The following HUNK variants were observed in gnomAD, a reference collection of about 807,000 sequenced individuals.
HUNK encodes hormonally up-regulated Neu-associated kinase, also known as hormonally up-regulated neu tumor-associated kinase.
Under a neutral mutation model 61.0 loss-of-function variants are expected in HUNK, and 21 were observed. That is an observed-to-expected ratio of 0.34 (90% CI 0.24 to 0.50). The LOEUF is 0.50. Among genes scored for constraint, HUNK ranks in the 20% least tolerant of loss-of-function variants. HUNK has a pLI of 0.98. For missense variants in HUNK, 772 were observed against 945.7 expected (o/e 0.82, Z 2.41); for synonymous variants, 371 against 386.1 (o/e 0.96, Z 0.46).
intron 5 of HUNK, among the ~76,000 whole-genome samples, chr21:31,960,334 C>G (rs1389026515): frequency 1.3e-5 from 2 of 149,082 alleles, no homozygotes; most frequent in Non-Finnish European, 3.0e-5. Flanking sequence ...GTTAAGTGCT[C>G]TAAAGAAAGT....
intron 1 of HUNK, among the ~76,000 whole-genome samples, chr21:31,916,338 T>C (rs2052583041): frequency 6.6e-6 from 1 of 151,622 alleles, no homozygotes; most frequent in African/African-American, 2.4e-5. Flanking sequence ...GTGTGAGCCA[T>C]TGCGCCCGGC....
intron 1 of HUNK, among the ~76,000 whole-genome samples, chr21:31,914,097 TGGAAGAGGAA>T (rs1347043627): frequency 3.3e-5 from 5 of 151,068 alleles, no homozygotes; most frequent in African/African-American, 1.2e-4. Context: ...AGGAGGAGAG[TGGAAGAGGAA>T]CTGTAAGACC....
chr21:31,875,755 C>T (rs1198498905), intron 1 of HUNK, among the ~76,000 whole-genome samples: 1 of 152,226 alleles, frequency 6.6e-6, no homozygotes, highest in Non-Finnish European at 1.5e-5. Context: ...TATTTCCTCT[C>T]TAAACATAAC....
rs1285419249 is a variant in HUNK, at chr21:31,999,954, C to T, written c.*770C>T. ...TGGATGGAGAGATGAGAAGCAATTC[C>T]ACCAAACTCATGTTTTCACAGGAGG... On this transcript the variant is annotated 3_prime_UTR_variant, in exon 11 of 11. Transcript: ENST00000270112. 1 of 393,740 alleles carries T rather than the reference C, an allele frequency of 2.5e-6. No homozygotes were observed. Among genetic ancestry groups the T allele is most frequent in the Non-Finnish European group, 4.5e-6 (1 of 223,654 alleles). The allele number at this position is 393,740 out of a possible 1,614,324, so 24.4% of individuals were successfully genotyped here. A position where few individuals can be genotyped will look rare whatever the true frequency, so the allele number is the denominator to read the frequency against.
At chr21:31,929,681 G>A (rs1259131629) in intron 2 of HUNK, among the ~76,000 whole-genome samples, 1 of 152,208 alleles carries the variant, frequency 6.6e-6, no homozygotes, top group South Asian at 2.1e-4. Context: ...GAAAAGCCAC[G>A]GGGCTGCAGG....
intron 2 of HUNK, among the ~76,000 whole-genome samples, chr21:31,939,009 G>C (rs1270967211): frequency 6.6e-6 from 1 of 152,110 alleles, no homozygotes; most frequent in Non-Finnish European, 1.5e-5. Flanking sequence ...GGGTGCAATG[G>C]GAAGCAGGGT....
At chr21:31,905,075 CT>C (rs1224436138) in intron 1 of HUNK, among the ~76,000 whole-genome samples, 1 of 24,588 alleles carries the variant, frequency 4.1e-5, no homozygotes, top group Non-Finnish European at 6.7e-5. Context: ...GAGACTGTGT[CT>C]AAAAAAAAAA....
chr21:31,895,646 C>T (rs1481543733), intron 1 of HUNK, among the ~76,000 whole-genome samples: 1 of 152,168 alleles, frequency 6.6e-6, no homozygotes. Context: ...GCTGGGTGGG[C>T]CATGCCTCAC....
chr21:31,914,408 C>CAAAAAAAA (rs35023797), intron 1 of HUNK, among the ~76,000 whole-genome samples: 23 of 39,842 alleles, frequency 5.8e-4, no homozygotes, highest in African/African-American at 2.0e-3. Flanking sequence ...AACTCTGTCT[C>CAAAAAAAA]AAAAAAAAAA....
chr21:31,975,402 G>C (rs940884840), intron 7 of HUNK, among the ~76,000 whole-genome samples: 1 of 152,170 alleles, frequency 6.6e-6, no homozygotes, highest in Non-Finnish European at 1.5e-5. Context: ...ATGGACAATG[G>C]CTTAAAAAGA....
intron 2 of HUNK, among the ~76,000 whole-genome samples, chr21:31,925,171 T>C (rs1362263912): frequency 6.6e-6 from 1 of 152,156 alleles, no homozygotes; most frequent in Non-Finnish European, 1.5e-5. Flanking sequence ...TTAATGCCAG[T>C]GTGAGGGTTA....
chr21:31,899,989 G>T (rs560439092), intron 1 of HUNK, among the ~76,000 whole-genome samples: 1 of 152,170 alleles, frequency 6.6e-6, no homozygotes, highest in South Asian at 2.1e-4. Flanking sequence ...TGGCCAGGTT[G>T]GTCTTGAACT....
At chr21:31,945,977 C>T in intron 3 of HUNK, 59 bp from the exon 4 acceptor site, 1 of 1,527,380 alleles carries the variant, frequency 6.5e-7, no homozygotes, top group Non-Finnish European at 8.9e-7. Flanking sequence ...TTTTGTTCCT[C>T]CCTCTTCATT....
intron 1 of HUNK, among the ~76,000 whole-genome samples, chr21:31,923,681 G>A (rs993070632): frequency 7.9e-5 from 12 of 152,044 alleles, no homozygotes; most frequent in African/African-American, 2.9e-4. Context: ...GGATTTGGGT[G>A]GAATAGACAA....
At chr21:31,965,272 G>T (rs527386539) in intron 5 of HUNK, among the ~76,000 whole-genome samples, 1 of 150,728 alleles carries the variant, frequency 6.6e-6, no homozygotes, top group Non-Finnish European at 1.5e-5. Flanking sequence ...ACAAAGAGGG[G>T]AACAATAGAC....
intron 1 of HUNK, among the ~76,000 whole-genome samples, chr21:31,892,732 C>T (rs960875300): frequency 2.0e-5 from 3 of 152,042 alleles, no homozygotes; most frequent in Non-Finnish European, 2.9e-5. Context: ...TCATAGATAA[C>T]GGCATTTTAT....
intron 9 of HUNK, among the ~76,000 whole-genome samples, chr21:31,993,366 G>A (rs562642771): frequency 3.9e-4 from 60 of 152,294 alleles, no homozygotes; most frequent in Non-Finnish European, 7.1e-4. Flanking sequence ...GACAGCCACC[G>A]GCAGCTCTCA....
At chr21:31,979,780 G>C (rs34836274) in intron 7 of HUNK, among the ~76,000 whole-genome samples, 1 of 151,826 alleles carries the variant, frequency 6.6e-6, no homozygotes, top group East Asian at 1.9e-4. Context: ...CTCCCAAAGT[G>C]CTGGGATTAC....
chr21:31,892,813 G>A (rs764043463), intron 1 of HUNK, among the ~76,000 whole-genome samples: 52 of 152,072 alleles, frequency 3.4e-4, no homozygotes, highest in Non-Finnish European at 6.3e-4. Flanking sequence ...CCTGAGGACC[G>A]CGATGCCTCT....
Sources: gnomAD v4.1 joint callset for allele counts (sites outside exome capture counted in the v4.1 genomes callset) on GRCh38, gnomAD v4.1.1 for gene constraint, MANE v1.5 for transcripts, NCBI Gene and HGNC (gene_info 2026-07-23, HGNC 2026-07-21) for gene names.